The following EFCAB11 variants were observed in gnomAD, a reference collection of about 807,000 sequenced individuals.
The protein encoded by EFCAB11 is EF-hand calcium binding domain 11, also known as EF-hand calcium-binding domain-containing protein 11.
Under a neutral mutation model 23.0 loss-of-function variants are expected in EFCAB11, and 14 were observed. The observed-to-expected ratio is 0.61, with a 90% CI of 0.40 to 0.95. The LOEUF is 0.95. EFCAB11 is among the 40% of genes least tolerant of loss of function. The pLI is 0.00. For synonymous variants in EFCAB11, 65 were observed against 66.6 expected, an observed-to-expected ratio of 0.98 and a Z score of 0.11; for missense variants, 198 against 195.8, an observed-to-expected ratio of 1.01 and a Z score of -0.07.
At chr14:89,848,155 G>C (rs1006441318) in intron 5 of EFCAB11, among the ~76,000 whole-genome samples, 6 of 152,140 alleles carry the variant, frequency 3.9e-5, no homozygotes, top group African/African-American at 1.4e-4. Context: ...TATCCTGTAA[G>C]TTAAATATTA....
rs1230779062 is a variant in EFCAB11, at chr14:89,925,645, TTTC to T, written c.410+5893_410+5895del. ...TAAGAGGAATACAAAGTTATGTTTCTTTCTTTTTTTTTTTTTTTGAGATGGAGT... is the reference window on the plus strand; with the variant it reads ...TAAGAGGAATACAAAGTTATGTTTCTTTTTTTTTTTTTTTTGAGATGGAGT... On this transcript the variant is annotated intron_variant, in intron 5 of 5. Coordinates refer to ENST00000316738, the MANE Select transcript of EFCAB11 (RefSeq NM_145231.4). Among the ~76,000 whole-genome samples, 480 of 131,210 alleles carry T rather than the reference TTTC, an allele frequency of 3.7e-3. 3 individuals carry two copies. Among genetic ancestry groups the T allele is most frequent in the African/African-American group, 0.018 (470 of 25,464 alleles). The allele number at this position is 131,210 out of a possible 152,430, so 86.1% of individuals were successfully genotyped here.
At chr14:89,805,507 C>T (rs1224649792) in intron 5 of EFCAB11, among the ~76,000 whole-genome samples, 1 of 152,228 alleles carries the variant, frequency 6.6e-6, no homozygotes, top group Non-Finnish European at 1.5e-5. Context: ...GCTATTCCAA[C>T]AGCCTTTTCC....
At position 89,796,097 on chromosome 14, in the gene EFCAB11, A is replaced by C. The variant is rs1385342797; in HGVS notation, c.*1146T>G. On this transcript the variant is annotated 3_prime_UTR_variant, in exon 6 of 6. Coordinates refer to ENST00000316738, the MANE Select transcript of EFCAB11 (RefSeq NM_145231.4). Reference sequence around the variant, plus strand: ...TCTCCACAGTGAGACTCCCAAGCCTAGACCATCCTAAAGGGTTCTGCAAAC... The same window carrying C: ...TCTCCACAGTGAGACTCCCAAGCCTCGACCATCCTAAAGGGTTCTGCAAAC... 6.6e-6 allele frequency: 1 copy of C among 152,384 alleles called. No individual in the cohort carries two copies. Among genetic ancestry groups the C allele is most frequent in the Admixed American group, 6.5e-5 (1 of 15,280 alleles). 9.4% of individuals were successfully genotyped at this position (152,384 alleles called of 1,614,324 possible). A position where few individuals can be genotyped will look rare whatever the true frequency, so the allele number is the denominator to read the frequency against.
intron 5 of EFCAB11, among the ~76,000 whole-genome samples, chr14:89,888,938 G>T (rs1227241785): frequency 6.6e-6 from 1 of 152,098 alleles, no homozygotes; most frequent in East Asian, 1.9e-4. Context: ...AGTTCTAATT[G>T]CTAAATTTCA....
intron 2 of EFCAB11, among the ~76,000 whole-genome samples, chr14:89,951,626 G>A (rs1216203759): frequency 6.6e-6 from 1 of 152,054 alleles, no homozygotes; most frequent in Non-Finnish European, 1.5e-5. Flanking sequence ...CATTGTGTAT[G>A]GGTGGGCACA....
At chr14:89,923,338 A>G (rs991509002) in intron 5 of EFCAB11, 7 of 152,238 alleles carry the variant, frequency 4.6e-5, no homozygotes, top group African/African-American at 1.4e-4. Flanking sequence ...GAAGTCCCTC[A>G]GAGAGGAAAT....
intron 3 of EFCAB11, among the ~76,000 whole-genome samples, chr14:89,945,305 A>C (rs1170257407): frequency 6.6e-6 from 1 of 152,166 alleles, no homozygotes; most frequent in Non-Finnish European, 1.5e-5. Context: ...AGATAATTAA[A>C]GGTAGAAGCT....
intron 1 of EFCAB11, 31 bp from the exon 2 acceptor site, chr14:89,954,032 A>C: frequency 6.4e-7 from 1 of 1,555,762 alleles, no homozygotes; most frequent in Non-Finnish European, 8.8e-7. Context: ...TTAGTTAATG[A>C]GACAGAAATG....
At chr14:89,891,167 G>A (rs928033712) in intron 5 of EFCAB11, among the ~76,000 whole-genome samples, 3 of 152,106 alleles carry the variant, frequency 2.0e-5, no homozygotes, top group Non-Finnish European at 4.4e-5. Context: ...CTGGACTTGT[G>A]GAATTCCTCA....
chr14:89,880,133 T>C (rs1208118996), intron 5 of EFCAB11, among the ~76,000 whole-genome samples: 2 of 152,224 alleles, frequency 1.3e-5, no homozygotes, highest in Admixed American at 6.5e-5. Context: ...AAAATTCATA[T>C]GTTGAAACCT....
intron 3 of EFCAB11, among the ~76,000 whole-genome samples, chr14:89,945,568 T>C (rs917363087): frequency 3.9e-5 from 6 of 152,246 alleles, no homozygotes; most frequent in African/African-American, 1.4e-4. Flanking sequence ...AGCTTTGCTA[T>C]TGATTTCTAA....
chr14:89,911,737 G>C (rs1224309154), intron 5 of EFCAB11, among the ~76,000 whole-genome samples: 4 of 152,204 alleles, frequency 2.6e-5, no homozygotes, highest in Non-Finnish European at 5.9e-5. Context: ...TTTGGGGCTA[G>C]AATTGCTGTA....
chr14:89,872,782 G>GACAC (rs141688592), intron 5 of EFCAB11, among the ~76,000 whole-genome samples: 4,590 of 149,588 alleles, frequency 0.031, 104 homozygotes, highest in African/African-American at 0.067. Context: ...AAGAGATTAG[G>GACAC]ACACACACAC....
chr14:89,883,797 T>C lies in EFCAB11; in HGVS notation c.410+47744A>G, dbSNP rs542806018. Among the ~76,000 whole-genome samples the C allele has an allele frequency of 1.2e-3, 183 of 152,306 alleles. 2 individuals carry two copies. The highest frequency in any genetic ancestry group is 4.6e-4 in the Non-Finnish European group (31 of 68,032). On this transcript the variant is annotated intron_variant, in intron 5 of 5. Transcript: ENST00000316738. ...ATTCTTCCCAAGTACCTGTTAGATA[T>C]AGACAAATTTAACAGCATTGTGGAA...
At chr14:89,851,062 G>A (rs1043531850) in intron 5 of EFCAB11, among the ~76,000 whole-genome samples, 2 of 152,130 alleles carry the variant, frequency 1.3e-5, no homozygotes, top group Non-Finnish European at 2.9e-5. Context: ...TTATATTATA[G>A]GAATTAACTT....
chr14:89,852,305 C>T (rs1220873802), intron 5 of EFCAB11, among the ~76,000 whole-genome samples: 1 of 152,222 alleles, frequency 6.6e-6, no homozygotes, highest in African/African-American at 2.4e-5. Flanking sequence ...AAACCACACA[C>T]AAAATGGAGA....
intron 5 of EFCAB11, among the ~76,000 whole-genome samples, chr14:89,893,696 G>A (rs1205982792): frequency 1.3e-5 from 2 of 150,148 alleles, no homozygotes; most frequent in African/African-American, 4.9e-5. Flanking sequence ...TTATCCCCCT[G>A]CCCAATCCTG....
At chr14:89,869,053 A>AT (rs1566790408) in intron 5 of EFCAB11, among the ~76,000 whole-genome samples, 1 of 152,128 alleles carries the variant, frequency 6.6e-6, no homozygotes, top group East Asian at 1.9e-4. Context: ...AAAAAATTAA[A>AT]TTAGCCAGAT....
At chr14:89,922,466 T>C (rs1206401271) in intron 5 of EFCAB11, among the ~76,000 whole-genome samples, 2 of 152,160 alleles carry the variant, frequency 1.3e-5, no homozygotes, top group African/African-American at 4.8e-5. Context: ...TTTTCTCAGA[T>C]GACAGTGCAG....
Sources: allele counts gnomAD v4.1 joint callset (sites outside exome capture counted in the v4.1 genomes callset), GRCh38; gene constraint gnomAD v4.1.1; transcripts MANE v1.5; gene names NCBI Gene and HGNC (gene_info 2026-07-23, HGNC 2026-07-21).